Variants in ANXA8 observed in about 807,000 individuals in gnomAD.
ANXA8 encodes the protein annexin A8.
A neutral mutation model predicts 26.8 loss-of-function variants in ANXA8; 9 were observed. The ratio of observed to expected loss-of-function variants is 0.34; its 90% CI spans 0.20 to 0.59. The LOEUF (loss-of-function observed/expected upper bound fraction) is 0.59, where lower values mean the gene tolerates loss of function less well. ANXA8 is among the 20% of genes least tolerant of loss of function. The pLI is 0.84. For synonymous variants in ANXA8, 39 were observed against 94.8 expected, an observed-to-expected ratio of 0.41 and a Z score of 3.42; for missense variants, 83 against 238.5, an observed-to-expected ratio of 0.35 and a Z score of 4.29.
chr10:47,645,314 G>C, the ANXA8 span, among the ~76,000 whole-genome samples: 956 of 145,066 alleles, frequency 6.6e-3, no homozygotes, highest in African/African-American at 0.025. Context: ...TTAACATAAA[G>C]GTAGTGGGAG....
chr10:47,913,933 CTTTTTTTTTTTTTT>C, the ANXA8 span, among the ~76,000 whole-genome samples: 3 of 32,570 alleles, frequency 9.2e-5, no homozygotes, highest in South Asian at 3.8e-3. Context: ...TTAGAATCTT[CTTTTTTTTTTTTTT>C]TTTTTTTTTT....
chr10:47,509,236 T>C, the ANXA8 span, among the ~76,000 whole-genome samples: 2 of 116,008 alleles, frequency 1.7e-5, no homozygotes, highest in Non-Finnish European at 3.4e-5. Flanking sequence ...CTAGTCAAAG[T>C]AATTTTTGTG....
At chr10:47,498,904 C>A in the ANXA8 span, among the ~76,000 whole-genome samples, 1 of 110,432 alleles carries the variant, frequency 9.1e-6, no homozygotes, top group African/African-American at 5.0e-5. Context: ...GAGTTCCAGA[C>A]CAGCCTGGCC....
the ANXA8 span, among the ~76,000 whole-genome samples, chr10:47,946,098 T>C: frequency 6.7e-6 from 1 of 148,842 alleles, no homozygotes; most frequent in South Asian, 2.1e-4. Flanking sequence ...GTTTGTAGAA[T>C]GCCTACACTC....
the ANXA8 span, chr10:47,973,559 T>C: frequency 5.3e-5 from 8 of 150,426 alleles, no homozygotes; most frequent in Non-Finnish European, 1.2e-4. Flanking sequence ...CCACAAGTAT[T>C]GGGATCACAG....
At chr10:47,769,244 G>T in the ANXA8 span, among the ~76,000 whole-genome samples, 1 of 149,806 alleles carries the variant, frequency 6.7e-6, no homozygotes, top group African/African-American at 2.5e-5. Flanking sequence ...ACCTCTTCCA[G>T]ATCTGGAGAG....
chr10:47,736,706 G>A, the ANXA8 span, among the ~76,000 whole-genome samples: 332 of 147,974 alleles, frequency 2.2e-3, 2 homozygotes, highest in African/African-American at 7.9e-3. Context: ...CCTGGCTGGA[G>A]TGCAGTGGTG....
At chr10:47,771,478 A>G in the ANXA8 span, among the ~76,000 whole-genome samples, 2 of 151,414 alleles carry the variant, frequency 1.3e-5, no homozygotes, top group South Asian at 4.2e-4. Context: ...GACCAAATAA[A>G]TAATCTACAC....
the ANXA8 span, among the ~76,000 whole-genome samples, chr10:47,744,508 T>C: frequency 2.0e-5 from 3 of 148,810 alleles, no homozygotes; most frequent in Non-Finnish European, 4.5e-5. Flanking sequence ...GGCTAGCTCC[T>C]TTCTCCCACT....
the ANXA8 span, among the ~76,000 whole-genome samples, chr10:47,689,419 A>C: frequency 3.3e-5 from 5 of 151,812 alleles, no homozygotes; most frequent in Non-Finnish European, 7.4e-5. Flanking sequence ...CTCGTGATCC[A>C]CCTGCCTCGG....
chr10:47,497,273 C>A, the ANXA8 span, among the ~76,000 whole-genome samples: 2 of 124,204 alleles, frequency 1.6e-5, no homozygotes, highest in African/African-American at 3.1e-5. Context: ...GAGCTGAGAT[C>A]GTGCCATTGC....
At chr10:47,938,052 T>C in the ANXA8 span, among the ~76,000 whole-genome samples, 1 of 58,320 alleles carries the variant, frequency 1.7e-5, no homozygotes, top group African/African-American at 6.8e-5. Context: ...AGTAGTGGGA[T>C]TTCTGGGTTG....
the ANXA8 span, among the ~76,000 whole-genome samples, chr10:47,493,611 C>T: frequency 6.0e-5 from 9 of 150,980 alleles, no homozygotes; most frequent in South Asian, 4.2e-4. Flanking sequence ...CACCAGTCCC[C>T]GCTTTCAGGA....
the ANXA8 span, among the ~76,000 whole-genome samples, chr10:47,721,683 CA>C: frequency 9.0e-6 from 1 of 110,726 alleles, no homozygotes; most frequent in African/African-American, 3.5e-5. Flanking sequence ...AGGCATGTGC[CA>C]CCACGCCTGG....
At chr10:47,580,886 C>T in the ANXA8 span, among the ~76,000 whole-genome samples, 1 of 149,546 alleles carries the variant, frequency 6.7e-6, no homozygotes, top group East Asian at 1.9e-4. Context: ...ACCAGCCTGA[C>T]CAACGTGGCA....
chr10:47,943,089 G>A, the ANXA8 span, among the ~76,000 whole-genome samples: 3 of 146,128 alleles, frequency 2.1e-5, no homozygotes, highest in Non-Finnish European at 4.5e-5. Flanking sequence ...GTTTCATTCA[G>A]AGTGTTAGGA....
At chr10:47,944,142 GA>G in the ANXA8 span, among the ~76,000 whole-genome samples, 1 of 145,856 alleles carries the variant, frequency 6.9e-6, no homozygotes, top group Admixed American at 6.8e-5. Flanking sequence ...AGCTGAAACA[GA>G]TTTGGTTTCT....
the ANXA8 span, among the ~76,000 whole-genome samples, chr10:47,918,431 AAG>A: frequency 0.16 from 4,648 of 29,794 alleles, 904 homozygotes; most frequent in African/African-American, 0.2. Flanking sequence ...GAAAGAAAGA[AAG>A]AGAGAGAGAA....
chr10:47,514,199 C>G, the ANXA8 span, among the ~76,000 whole-genome samples: 1 of 146,314 alleles, frequency 6.8e-6, no homozygotes, highest in Admixed American at 6.8e-5. Context: ...TGGAACCAGC[C>G]CAAATGCCCA....
Sources: gnomAD v4.1 joint callset for allele counts (sites outside exome capture counted in the v4.1 genomes callset) on GRCh38, gnomAD v4.1.1 for gene constraint, MANE v1.5 for transcripts, NCBI Gene and HGNC (gene_info 2026-07-23, HGNC 2026-07-21) for gene names.